The following TRAPPC9 variants were observed in gnomAD, a reference collection of about 807,000 sequenced individuals.
TRAPPC9 encodes IKK2 binding protein.
In TRAPPC9, 83 loss-of-function variants were observed where a neutral mutation model predicts 124.0. That is an observed-to-expected ratio of 0.67 (90% CI 0.56 to 0.80). TRAPPC9 has a LOEUF of 0.80. TRAPPC9 is among the 30% of genes least tolerant of loss of function. The pLI, the probability that TRAPPC9 is intolerant of heterozygous loss-of-function variation, is 0.00. For synonymous variants in TRAPPC9, 638 were observed against 617.5 expected, an observed-to-expected ratio of 1.03 and a Z score of -0.49; for missense variants, 1,302 against 1,508.3, an observed-to-expected ratio of 0.86 and a Z score of 2.27.
intron 18 of TRAPPC9, among the ~76,000 whole-genome samples, chr8:139,996,443 A>T (rs1838004193): frequency 6.6e-6 from 1 of 152,110 alleles, no homozygotes; most frequent in Admixed American, 6.5e-5. Flanking sequence ...ACTGTAAAAT[A>T]AAAATCATAC....
Position 139,989,240 on chromosome 8 carries a change from T to C in TRAPPC9, c.2700-404A>G, listed in dbSNP as rs1003299787. ...TACAGTGCCATTCAAGGATGCTGTGTCCAAGCCAGCATCTTCAGCTACCAG... is the reference window on the plus strand; with the variant it reads ...TACAGTGCCATTCAAGGATGCTGTGCCCAAGCCAGCATCTTCAGCTACCAG... On this transcript the variant is annotated intron_variant, in intron 18 of 22. Transcript: ENST00000438773. Among the ~76,000 whole-genome samples the C allele has an allele frequency of 2.6e-5, 4 of 152,204 alleles. No homozygotes were observed. The East Asian group carries it at 7.7e-4, about 29-fold the overall frequency.
At chr8:140,018,190 T>C (rs1403254058) in intron 18 of TRAPPC9, among the ~76,000 whole-genome samples, 1 of 152,136 alleles carries the variant, frequency 6.6e-6, no homozygotes, top group African/African-American at 2.4e-5. Context: ...TATCATGTTT[T>C]GTCATTTTCT....
At chr8:140,193,783 T>C (rs1198061876) in intron 17 of TRAPPC9, among the ~76,000 whole-genome samples, 1 of 152,190 alleles carries the variant, frequency 6.6e-6, no homozygotes, top group African/African-American at 2.4e-5. Context: ...AGCTGTGCGA[T>C]TGTGGACAAA....
intron 17 of TRAPPC9, among the ~76,000 whole-genome samples, chr8:140,038,664 G>T (rs1305968610): frequency 2.0e-5 from 3 of 152,212 alleles, no homozygotes; most frequent in African/African-American, 7.2e-5. Context: ...ACAACACCCA[G>T]TGTCAGGCAT....
At chr8:139,741,161 T>A (rs924526290) in intron 21 of TRAPPC9, among the ~76,000 whole-genome samples, 2 of 152,042 alleles carry the variant, frequency 1.3e-5, no homozygotes, top group African/African-American at 4.8e-5. Flanking sequence ...CCATTGGGCA[T>A]GATGCTCCCC....
intron 21 of TRAPPC9, among the ~76,000 whole-genome samples, chr8:139,874,069 C>A (rs1049810988): frequency 6.6e-6 from 1 of 152,254 alleles, no homozygotes; most frequent in Non-Finnish European, 1.5e-5. Context: ...CACAGGCACG[C>A]ACGCTGCACC....
intron 17 of TRAPPC9, among the ~76,000 whole-genome samples, chr8:140,185,904 C>T (rs957897433): frequency 6.6e-6 from 1 of 152,084 alleles, no homozygotes; most frequent in Non-Finnish European, 1.5e-5. Context: ...GTTGTGGAGT[C>T]CAGGAGGCCC....
At chr8:139,749,140 C>T (rs1019967755) in intron 21 of TRAPPC9, among the ~76,000 whole-genome samples, 1 of 152,154 alleles carries the variant, frequency 6.6e-6, no homozygotes, top group Non-Finnish European at 1.5e-5. Context: ...TTCCCCTGCT[C>T]CATCTGTCCC....
At chr8:140,336,077 T>C (rs2067029745) in intron 9 of TRAPPC9, among the ~76,000 whole-genome samples, 1 of 152,144 alleles carries the variant, frequency 6.6e-6, no homozygotes, top group Non-Finnish European at 1.5e-5. Context: ...AACCTTTTTT[T>C]TTCACAACTC....
chr8:139,837,240 G>A (rs998973897), intron 21 of TRAPPC9, among the ~76,000 whole-genome samples: 3 of 152,018 alleles, frequency 2.0e-5, no homozygotes, highest in African/African-American at 7.2e-5. Context: ...CGCTGTTCAC[G>A]CCAGCTGGGG....
intron 21 of TRAPPC9, among the ~76,000 whole-genome samples, chr8:139,830,803 C>G (rs1318413854): frequency 6.6e-6 from 1 of 152,236 alleles, no homozygotes; most frequent in East Asian, 1.9e-4. Context: ...AGCCCGGAAG[C>G]CTCTCTGGAT....
At chr8:140,249,397 A>G (rs1034252298) in intron 16 of TRAPPC9, among the ~76,000 whole-genome samples, 1 of 152,172 alleles carries the variant, frequency 6.6e-6, no homozygotes, top group Non-Finnish European at 1.5e-5. Flanking sequence ...TCCAGGGTGT[A>G]TATGTACCAC....
chr8:140,330,360 A>C (rs1290379282), intron 9 of TRAPPC9, among the ~76,000 whole-genome samples: 2 of 152,232 alleles, frequency 1.3e-5, no homozygotes, highest in African/African-American at 4.8e-5. Flanking sequence ...GAGATATGGA[A>C]GAAGATCTGT....
intron 9 of TRAPPC9, among the ~76,000 whole-genome samples, chr8:140,348,009 G>A (rs537305966): frequency 4.6e-5 from 7 of 152,338 alleles, no homozygotes; most frequent in Non-Finnish European, 1.0e-4. Flanking sequence ...ACTGGGCTGA[G>A]AAGAATTTGC....
intron 17 of TRAPPC9, among the ~76,000 whole-genome samples, chr8:140,198,397 G>T (rs1049300257): frequency 3.3e-5 from 5 of 151,972 alleles, no homozygotes; most frequent in African/African-American, 1.2e-4. Context: ...CACTGCTTGA[G>T]GTATTTTGCA....
At chr8:140,255,118 C>T (rs1159477957) in intron 15 of TRAPPC9, among the ~76,000 whole-genome samples, 1 of 152,176 alleles carries the variant, frequency 6.6e-6, no homozygotes, top group East Asian at 1.9e-4. Flanking sequence ...TGACAGACGG[C>T]GTTTATGTCT....
At chr8:139,763,415 G>T (rs1820366193) in intron 21 of TRAPPC9, among the ~76,000 whole-genome samples, 1 of 152,194 alleles carries the variant, frequency 6.6e-6, no homozygotes, top group South Asian at 2.1e-4. Context: ...TCTGATGGAA[G>T]CTACAGCCCC....
chr8:139,796,061 G>C (rs1185975573), intron 21 of TRAPPC9, among the ~76,000 whole-genome samples: 1 of 138,796 alleles, frequency 7.2e-6, no homozygotes, highest in East Asian at 2.0e-4. Flanking sequence ...GGAGGAAGAG[G>C]AAGAAGAGGA....
At chr8:140,383,090 G>T (rs2068657011) in intron 7 of TRAPPC9, among the ~76,000 whole-genome samples, 1 of 152,258 alleles carries the variant, frequency 6.6e-6, no homozygotes, top group Non-Finnish European at 1.5e-5. Flanking sequence ...CAACAGACCT[G>T]CAGCTGAGGG....
Sources: allele counts gnomAD v4.1 joint callset (sites outside exome capture counted in the v4.1 genomes callset), GRCh38; gene constraint gnomAD v4.1.1; transcripts MANE v1.5; gene names NCBI Gene and HGNC (gene_info 2026-07-23, HGNC 2026-07-21).